The following BMPR1B variants were observed in gnomAD, a reference collection of about 807,000 sequenced individuals.
BMPR1B encodes bone morphogenetic protein receptor type-1B.
A neutral mutation model predicts 59.1 loss-of-function variants in BMPR1B; 12 were observed. The observed-to-expected ratio is 0.20, with a 90% CI of 0.13 to 0.33. The LOEUF is 0.33. Among genes scored for constraint, BMPR1B ranks in the 10% least tolerant of loss-of-function variants. BMPR1B has a pLI of 1.00. For synonymous variants in BMPR1B, 237 were observed against 207.3 expected (o/e 1.14, Z -1.23); for missense variants, 550 against 610.9 (o/e 0.90, Z 1.05).
chr4:94,876,333 G>A (rs979934605), intron 2 of BMPR1B, among the ~76,000 whole-genome samples: 2 of 152,160 alleles, frequency 1.3e-5, no homozygotes, highest in African/African-American at 4.8e-5. Context: ...AGTTCTAGTT[G>A]GTGTCACTCA....
intron 7 of BMPR1B, among the ~76,000 whole-genome samples, chr4:95,124,589 A>G (rs924511853): frequency 1.3e-5 from 2 of 151,998 alleles, no homozygotes; most frequent in Non-Finnish European, 2.9e-5. Context: ...AGAGTTAGCT[A>G]TAATGATTTT....
chr4:94,808,419 A>G (rs569567110), intron 1 of BMPR1B, among the ~76,000 whole-genome samples: 1 of 152,310 alleles, frequency 6.6e-6, no homozygotes, highest in South Asian at 2.1e-4. Context: ...TGGCTACTGA[A>G]TGTTAGATCC....
intron 1 of BMPR1B, among the ~76,000 whole-genome samples, chr4:94,799,170 G>T (rs1192471607): frequency 6.7e-6 from 1 of 148,716 alleles, no homozygotes; most frequent in East Asian, 2.0e-4. Context: ...CATACTAGAT[G>T]AGAACTTATT....
At chr4:95,096,770 T>C (rs1162255796) in intron 3 of BMPR1B, among the ~76,000 whole-genome samples, 1 of 138,122 alleles carries the variant, frequency 7.2e-6, no homozygotes, top group South Asian at 2.2e-4. Context: ...TATAACTATG[T>C]ATAGTTATAT....
chr4:94,853,175 A>G (rs1725627614), intron 1 of BMPR1B, among the ~76,000 whole-genome samples: 1 of 152,172 alleles, frequency 6.6e-6, no homozygotes, highest in Admixed American at 6.5e-5. Flanking sequence ...TTATTACTTA[A>G]AAAAGCAACT....
chr4:94,798,780 T>C (rs1337640946), intron 1 of BMPR1B, among the ~76,000 whole-genome samples: 1 of 152,074 alleles, frequency 6.6e-6, no homozygotes, highest in African/African-American at 2.4e-5. Context: ...TATTTACCCC[T>C]TGAGTCTTCA....
At chr4:94,768,639 T>A (rs1026152178) in intron 1 of BMPR1B, among the ~76,000 whole-genome samples, 1 of 152,268 alleles carries the variant, frequency 6.6e-6, no homozygotes, top group Non-Finnish European at 1.5e-5. Context: ...CTTTACTAAC[T>A]CCATCATTCT....
intron 3 of BMPR1B, among the ~76,000 whole-genome samples, chr4:95,012,533 A>T (rs1245146294): frequency 6.6e-6 from 1 of 152,206 alleles, no homozygotes; most frequent in African/African-American, 2.4e-5. Context: ...TTCTAATCTT[A>T]AGCATTTGTA....
At chr4:94,867,656 C>T (rs538989474) in intron 1 of BMPR1B, among the ~76,000 whole-genome samples, 2 of 152,226 alleles carry the variant, frequency 1.3e-5, no homozygotes, top group East Asian at 1.9e-4. Context: ...CTAAAGAAAA[C>T]ATTTTAGAGT....
At chr4:94,900,839 T>G (rs907397737) in intron 2 of BMPR1B, among the ~76,000 whole-genome samples, 6 of 151,996 alleles carry the variant, frequency 3.9e-5, no homozygotes, top group African/African-American at 9.7e-5. Flanking sequence ...CTCACCCATA[T>G]CTCTGGAATC....
intron 2 of BMPR1B, among the ~76,000 whole-genome samples, chr4:94,925,714 T>C (rs1205561627): frequency 6.6e-6 from 1 of 152,164 alleles, no homozygotes; most frequent in Non-Finnish European, 1.5e-5. Flanking sequence ...GAGATTTTAA[T>C]GGGAATTTGG....
intron 3 of BMPR1B, among the ~76,000 whole-genome samples, chr4:95,027,843 C>G (rs1271755067): frequency 6.6e-6 from 1 of 152,102 alleles, no homozygotes; most frequent in Non-Finnish European, 1.5e-5. Flanking sequence ...GACCTTTTAT[C>G]TGTGTATTAC....
chr4:94,910,985 C>T (rs1043337519), intron 2 of BMPR1B, among the ~76,000 whole-genome samples: 2 of 152,150 alleles, frequency 1.3e-5, no homozygotes, highest in Non-Finnish European at 1.5e-5. Flanking sequence ...ATTAAATTGA[C>T]TCACCCAGTA....
chr4:94,992,805 C>T (rs1182563664), intron 2 of BMPR1B, among the ~76,000 whole-genome samples: 1 of 152,194 alleles, frequency 6.6e-6, no homozygotes, highest in South Asian at 2.1e-4. Context: ...CATCTCCTTA[C>T]AACCACCAAT....
intron 3 of BMPR1B, among the ~76,000 whole-genome samples, chr4:95,039,832 TC>T (rs1725526692): frequency 6.6e-6 from 1 of 152,086 alleles, no homozygotes; most frequent in African/African-American, 2.4e-5. Flanking sequence ...CCAAGACAGT[TC>T]CCCCAGTATG....
At position 94,842,217 on chromosome 4, in the gene BMPR1B, A is replaced by G. The variant is rs1725115457; in HGVS notation, c.-182-33614A>G. Among the ~76,000 whole-genome samples the G allele has an allele frequency of 1.3e-5, 2 of 152,196 alleles. 1 individual carries two copies. The highest frequency in any genetic ancestry group is 1.3e-4 in the Admixed American group (2 of 15,278). On this transcript the variant is annotated intron_variant, in intron 1 of 12. Coordinates refer to ENST00000515059, the MANE Select transcript of BMPR1B (RefSeq NM_001203.3). ...AGTATAAAGCAAGAATTCCTTTTAA[A>G]TCTTTGGAGTAAAATGAATGATCCA...
At chr4:94,815,972 T>C (rs935724781) in intron 1 of BMPR1B, among the ~76,000 whole-genome samples, 1 of 152,208 alleles carries the variant, frequency 6.6e-6, no homozygotes, top group Non-Finnish European at 1.5e-5. Context: ...AATGAATATG[T>C]TTTTCATAGA....
chr4:94,957,689 C>T (rs572213208), intron 2 of BMPR1B, among the ~76,000 whole-genome samples: 8 of 152,186 alleles, frequency 5.3e-5, no homozygotes, highest in African/African-American at 1.7e-4. Context: ...CAACATATAA[C>T]TTCAGTTAAT....
intron 2 of BMPR1B, among the ~76,000 whole-genome samples, chr4:94,946,322 G>A (rs934537882): frequency 6.6e-6 from 1 of 152,090 alleles, no homozygotes; most frequent in African/African-American, 2.4e-5. Flanking sequence ...CATTAAATAA[G>A]GAAAATTATT....
Sources: allele counts gnomAD v4.1 joint callset (sites outside exome capture counted in the v4.1 genomes callset), GRCh38; gene constraint gnomAD v4.1.1; transcripts MANE v1.5; gene names NCBI Gene and HGNC (gene_info 2026-07-23, HGNC 2026-07-21).